The following PIEZO2 variants were observed in gnomAD, a reference collection of about 807,000 sequenced individuals.
PIEZO2 encodes the protein piezo-type mechanosensitive ion channel component 2.
Under a neutral mutation model 337.3 loss-of-function variants are expected in PIEZO2, and 172 were observed. The observed-to-expected ratio is 0.51, with a 90% CI of 0.45 to 0.58. The LOEUF (loss-of-function observed/expected upper bound fraction) is 0.58, where lower values mean the gene tolerates loss of function less well. PIEZO2 is among the 20% of genes least tolerant of loss of function. PIEZO2 has a pLI of 0.00. For synonymous variants in PIEZO2, 1,251 were observed against 1,228.5 expected (o/e 1.02, Z -0.38); for missense variants, 3,028 against 3,391.3 (o/e 0.89, Z 2.66).
chr18:11,041,475 A>G (rs1403078211), intron 2 of PIEZO2, among the ~76,000 whole-genome samples: 1 of 152,196 alleles, frequency 6.6e-6, no homozygotes, highest in East Asian at 1.9e-4. Context: ...AAACAGCCCT[A>G]TAGAATCCAT....
intron 2 of PIEZO2, among the ~76,000 whole-genome samples, chr18:11,065,529 T>C (rs576360263): frequency 2.0e-5 from 3 of 152,358 alleles, no homozygotes; most frequent in Non-Finnish European, 4.4e-5. Flanking sequence ...TTATATTCCA[T>C]GCCTTCAGGT....
intron 3 of PIEZO2, among the ~76,000 whole-genome samples, chr18:10,961,994 A>C (rs1309102501): frequency 6.6e-6 from 1 of 152,176 alleles, no homozygotes; most frequent in Non-Finnish European, 1.5e-5. Flanking sequence ...GTATAAATTC[A>C]GGTGAACTGC....
At chr18:11,054,409 C>A (rs1157700305) in intron 2 of PIEZO2, among the ~76,000 whole-genome samples, 2 of 152,214 alleles carry the variant, frequency 1.3e-5, no homozygotes, top group African/African-American at 4.8e-5. Context: ...TTGACATAAG[C>A]ACAGGACTAG....
At chr18:10,814,798 T>C (rs2040312162) in intron 7 of PIEZO2, among the ~76,000 whole-genome samples, 1 of 152,102 alleles carries the variant, frequency 6.6e-6, no homozygotes, top group African/African-American at 2.4e-5. Context: ...TCAGTGGCCA[T>C]GATGACTGGC....
intron 4 of PIEZO2, among the ~76,000 whole-genome samples, chr18:10,896,808 C>A (rs972499313): frequency 6.6e-6 from 1 of 152,214 alleles, no homozygotes; most frequent in African/African-American, 2.4e-5. Flanking sequence ...GCCTCCACCT[C>A]ATGTCTGAGA....
rs896037280 is a variant in PIEZO2 at position 10,713,213 on chromosome 18, T to C, written c.5423+1551A>G. On this transcript the variant is annotated intron_variant, in intron 39 of 55. Coordinates refer to ENST00000674853, the MANE Select transcript of PIEZO2 (RefSeq NM_001378183.1). This position sits in a 1 kb window ranked among gnomAD's most constrained non-coding sequence, Gnocchi z 4.5. ...GTATATATTTTACTGTGTATATATA[T>C]CACAAAGATCTTTTCATACCAATAA... Among the ~76,000 whole-genome samples the C allele has an allele frequency of 7.2e-5, 11 of 152,300 alleles. No individual in the cohort carries two copies. The highest frequency in any genetic ancestry group is 2.6e-4 in the African/African-American group (11 of 41,562).
intron 1 of PIEZO2, 94 bp from the exon 2 acceptor site, chr18:11,066,316 C>T: frequency 1.1e-6 from 1 of 882,106 alleles, no homozygotes; most frequent in South Asian, 1.6e-5. Context: ...TCTCAGATGT[C>T]ACTGGATCAA....
chr18:11,072,834 G>T (rs2038393975), intron 1 of PIEZO2, among the ~76,000 whole-genome samples: 2 of 152,184 alleles, frequency 1.3e-5, no homozygotes, highest in African/African-American at 2.4e-5. Context: ...CAAGGGCTCA[G>T]TAAGGTCAAG....
rs1042851418 is a variant in PIEZO2, at chr18:11,035,723, GA to G, written c.160+30403del. On this transcript the variant is annotated intron_variant, in intron 2 of 55. Coordinates refer to ENST00000674853, the MANE Select transcript of PIEZO2 (RefSeq NM_001378183.1). The surrounding 1 kb of genome is among the most constrained non-coding windows in gnomAD (Gnocchi z 4.3). ...GGTTGGAAAGTGTGATTATGATGAT[GA>G]AATTATTATTCCACAAAACTACCTC... Among the ~76,000 whole-genome samples, 5 of 152,190 alleles carry G rather than the reference GA, an allele frequency of 3.3e-5. No homozygotes were observed. Among genetic ancestry groups the G allele is most frequent in the Admixed American group, 2.6e-4 (4 of 15,278 alleles).
chr18:10,866,080 C>T (rs577671018), intron 5 of PIEZO2, among the ~76,000 whole-genome samples: 2 of 152,128 alleles, frequency 1.3e-5, no homozygotes, highest in Non-Finnish European at 2.9e-5. Flanking sequence ...AGAAGAGGTA[C>T]ATGCTGTTAA....
chr18:10,801,614 A>G (rs898407906), intron 9 of PIEZO2, among the ~76,000 whole-genome samples, 186 bp from the exon 10 acceptor site: 2 of 151,778 alleles, frequency 1.3e-5, no homozygotes, highest in Non-Finnish European at 2.9e-5. Context: ...GTTTATGACA[A>G]CTATTTCACA....
intron 3 of PIEZO2, among the ~76,000 whole-genome samples, chr18:10,975,173 A>G (rs1325803895): frequency 6.6e-6 from 1 of 152,228 alleles, no homozygotes; most frequent in Non-Finnish European, 1.5e-5. Flanking sequence ...TTCCCTATAT[A>G]GTTTCTAACT....
At chr18:10,857,595 C>T (rs752545947) in intron 5 of PIEZO2, among the ~76,000 whole-genome samples, 1 of 152,190 alleles carries the variant, frequency 6.6e-6, no homozygotes, top group Non-Finnish European at 1.5e-5. Context: ...TTTGATAAAA[C>T]TATCCACAGC....
In PIEZO2 at chr18:10,819,943, A is replaced by G. The variant is rs2040474918; in HGVS notation, c.918-12669T>C. On this transcript the variant is annotated intron_variant, in intron 7 of 55. Coordinates refer to ENST00000674853, the MANE Select transcript of PIEZO2 (RefSeq NM_001378183.1). This position sits in a 1 kb window ranked among gnomAD's most constrained non-coding sequence, Gnocchi z 4.3. ...TTCTACCTACATTCTCAGATACAGA[A>G]TTATAGGTTCATAGTTTTTTTCCCT... 6.6e-6 allele frequency among the ~76,000 whole-genome samples: 1 copy of G among 152,176 alleles called. No individual in the cohort carries two copies. The highest frequency in any genetic ancestry group is 2.1e-4 in the South Asian group (1 of 4,828).
chr18:10,856,435 C>T lies in PIEZO2; in HGVS notation c.703+566G>A, dbSNP rs1462294734. 3.3e-5 allele frequency among the ~76,000 whole-genome samples: 5 copies of T among 152,064 alleles called. No individual in the cohort carries two copies. The highest frequency in any genetic ancestry group is 7.3e-5 in the Non-Finnish European group (5 of 68,030). ...TAATACGCCTCCCATAGCTCCGGGG[C>T]AGTGGTGAGCAGTGGAATGGAAGGA... On this transcript the variant is annotated intron_variant, in intron 6 of 55. Transcript: ENST00000674853. The surrounding 1 kb of genome is among the most constrained non-coding windows in gnomAD (Gnocchi z 4.7).
intron 47 of PIEZO2, among the ~76,000 whole-genome samples, chr18:10,695,440 C>T (rs1230782002): frequency 6.6e-6 from 1 of 152,152 alleles, no homozygotes; most frequent in Non-Finnish European, 1.5e-5. Context: ...CCAGCCCTTT[C>T]CTGACAGCTT....
intron 49 of PIEZO2, among the ~76,000 whole-genome samples, chr18:10,683,541 T>C (rs981441103): frequency 6.6e-6 from 1 of 152,230 alleles, no homozygotes; most frequent in African/African-American, 2.4e-5. Flanking sequence ...CAAATATGGA[T>C]AGCAGTAGCA....
Position 11,032,442 on chromosome 18 carries a change from C to G in PIEZO2, c.160+33685G>C, listed in dbSNP as rs1215314355. 6.6e-6 allele frequency among the ~76,000 whole-genome samples: 1 copy of G among 152,176 alleles called. No individual in the cohort carries two copies. The highest frequency in any genetic ancestry group is 1.9e-4 in the East Asian group (1 of 5,192). ...ACGATTTACTGAATTTCAGCTCTTG[C>G]TCTATTAGAATACGGAGCTATTCTT... On this transcript the variant is annotated intron_variant, in intron 2 of 55. Coordinates refer to ENST00000674853, the MANE Select transcript of PIEZO2 (RefSeq NM_001378183.1). This position sits in a 1 kb window ranked among gnomAD's most constrained non-coding sequence, Gnocchi z 4.9.
intron 5 of PIEZO2, among the ~76,000 whole-genome samples, chr18:10,857,729 C>A (rs2041747892): frequency 6.6e-6 from 1 of 152,180 alleles, no homozygotes; most frequent in Admixed American, 6.5e-5. Flanking sequence ...CTTCTCTTGG[C>A]TAAATATAGA....
Sources: gnomAD v4.1 joint callset for allele counts (sites outside exome capture counted in the v4.1 genomes callset) on GRCh38, gnomAD v4.1.1 for gene constraint, Gnocchi (gnomAD v3.1) non-coding constraint, MANE v1.5 for transcripts, NCBI Gene and HGNC (gene_info 2026-07-23, HGNC 2026-07-21) for gene names.